The following ATAD5 variants were observed in gnomAD, a reference collection of about 807,000 sequenced individuals.
ATAD5 encodes the protein ATPase family AAA domain-containing protein 5.
In ATAD5, 58 loss-of-function variants were observed where a neutral mutation model predicts 176.9. The ratio of observed to expected loss-of-function variants is 0.33; its 90% CI spans 0.27 to 0.41. The LOEUF is 0.41. Among genes scored for constraint, ATAD5 ranks in the 10% least tolerant of loss-of-function variants. The probability of loss-of-function intolerance (pLI) is 1.00; values close to 1 mark genes in which losing one functional copy is unlikely to be tolerated. For missense variants in ATAD5, 1,789 were observed against 2,094.1 expected (o/e 0.85, Z 2.84); for synonymous variants, 640 against 712.6 (o/e 0.90, Z 1.62).
intron 14 of ATAD5, 134 bp downstream of exon 14, chr17:30,869,780 A>C: frequency 1.1e-6 from 1 of 929,650 alleles, no homozygotes; most frequent in Non-Finnish European, 1.6e-6. Flanking sequence ...CCCCTGCCAG[A>C]TTATTTTAAA....
chr17:30,876,513 T>G lies in ATAD5; in HGVS notation c.3747T>G (p.Asn1249Lys). 6.3e-7 allele frequency: 1 copy of G among 1,584,480 alleles called. No individual in the cohort carries two copies. The highest frequency in any genetic ancestry group is 1.2e-5 in the South Asian group (1 of 86,954). Residue 1249 changes from asparagine (N) to lysine (K), a missense_variant, in exon 15 of 23, where the codon AAT (asparagine) becomes AAG (lysine). Coordinates refer to ENST00000321990, the MANE Select transcript of ATAD5 (RefSeq NM_024857.5). ...NYFKVSPKPK[N>K]NEEIGMLLEN... ...TTAAAGTATCTCCCAAACCTAAAAA[T>G]AATGAAGAAATAGGAATGCTTCTGG...
intron 6 of ATAD5, among the ~76,000 whole-genome samples, chr17:30,846,397 T>G (rs1027836569): frequency 5.7e-4 from 49 of 85,980 alleles, no homozygotes; most frequent in Admixed American, 2.8e-3. Context: ...GAGTTTGAGG[T>G]TTTTTTTTTT....
chr17:30,862,395 T>C (rs977617968), intron 10 of ATAD5, among the ~76,000 whole-genome samples: 1 of 152,106 alleles, frequency 6.6e-6, no homozygotes, highest in African/African-American at 2.4e-5. Flanking sequence ...ATACATACTA[T>C]TTTACACCAT....
chr17:30,894,618 TCTC>T lies in ATAD5; in HGVS notation c.5353_5355del (p.Leu1785del). On this transcript the variant is annotated inframe_deletion, in exon 22 of 23. Transcript: ENST00000321990. ...AAAGTGTATTTTCGAGTCGATCTCT[TCTC>T]TATGTGGGTAATAGACAAGCTAGTA... is the stretch of plus-strand genomic sequence containing the variant. 2 of 1,613,458 alleles carry T rather than the reference TCTC, an allele frequency of 1.2e-6. No homozygotes were observed. Among genetic ancestry groups the T allele is most frequent in the Non-Finnish European group, 1.7e-6 (2 of 1,179,688 alleles).
intron 14 of ATAD5, among the ~76,000 whole-genome samples, chr17:30,871,971 G>C (rs947042104): frequency 6.6e-6 from 1 of 152,194 alleles, no homozygotes; most frequent in Non-Finnish European, 1.5e-5. Flanking sequence ...GCCAAGGCTG[G>C]AGTGGAGTGG....
chr17:30,880,069 A>T (rs187164443), intron 18 of ATAD5, among the ~76,000 whole-genome samples: 127 of 146,130 alleles, frequency 8.7e-4, no homozygotes, highest in African/African-American at 3.1e-3. Flanking sequence ...TGGGAGGCTG[A>T]GGAGGGCAGA....
Position 30,858,303 on chromosome 17 carries a change from C to A in ATAD5, c.2936C>A (p.Ser979Tyr). 6.4e-7 allele frequency: 1 copy of A among 1,553,566 alleles called. No homozygotes were observed. The change falls in exon 9 of 23, where the codon TCC becomes TAC. Residue 979 changes from serine (S) to tyrosine (Y), a missense_variant. Transcript: ENST00000321990. ...CAAATTGAGCACCAAGTACTTTCTT[C>A]CGAGTGTCATAGTAAACAAGGTTAG... ...KKQIEHQVLS[S>Y]ECHSKQELEA...
chr17:30,878,200 TA>T (rs1908783330), intron 17 of ATAD5, 104 bp downstream of exon 17: 1 of 753,442 alleles, frequency 1.3e-6, no homozygotes. Flanking sequence ...ATTACTTTTT[TA>T]AAATTGATAC....
chr17:30,887,596 GCCAGGAGTTCAAAA>G (rs1909389450), intron 19 of ATAD5, among the ~76,000 whole-genome samples: 3 of 151,988 alleles, frequency 2.0e-5, no homozygotes, highest in African/African-American at 7.3e-5. Context: ...ATCACTTGAA[GCCAGGAGTTCAAAA>G]CCAGCCTGCG....
chr17:30,851,818 G>C (rs1157416796), intron 6 of ATAD5, among the ~76,000 whole-genome samples: 1 of 152,220 alleles, frequency 6.6e-6, no homozygotes, highest in Non-Finnish European at 1.5e-5. Context: ...CTGGTCTCAA[G>C]TTATCTGCTC....
chr17:30,880,250 C>T (rs1240031828), intron 18 of ATAD5, among the ~76,000 whole-genome samples: 1 of 151,982 alleles, frequency 6.6e-6, no homozygotes, highest in African/African-American at 2.4e-5. Context: ...GCCATGGCTG[C>T]AGTGAGCTGT....
At chr17:30,887,808 C>T (rs1248984087) in intron 19 of ATAD5, among the ~76,000 whole-genome samples, 1 of 151,888 alleles carries the variant, frequency 6.6e-6, no homozygotes, top group African/African-American at 2.4e-5. Context: ...AGAGCAATAC[C>T]CTATCTCTAA....
intron 11 of ATAD5, among the ~76,000 whole-genome samples, chr17:30,867,555 C>T (rs1167335623): frequency 7.2e-5 from 11 of 152,146 alleles, no homozygotes; most frequent in Admixed American, 7.2e-4. Flanking sequence ...AGAACTTAAT[C>T]TTTCTGTTGT....
chr17:30,850,831 TTTTA>T (rs201445980), intron 6 of ATAD5, among the ~76,000 whole-genome samples: 1,267 of 62,476 alleles, frequency 0.02, 67 homozygotes, highest in African/African-American at 0.034. Flanking sequence ...ATTTATATAT[TTTTA>T]TATATATATA....
intron 17 of ATAD5, among the ~76,000 whole-genome samples, chr17:30,878,756 G>C (rs1908838063): frequency 1.2e-5 from 1 of 86,418 alleles, no homozygotes; most frequent in Non-Finnish European, 2.0e-5. Flanking sequence ...TTTGGAGACA[G>C]AGTCTCACTC....
chr17:30,858,187 T>C lies in ATAD5; in HGVS notation c.2820T>C (p.Thr940=). The C allele has an allele frequency of 6.3e-7, 1 of 1,578,242 alleles. No individual in the cohort carries two copies. The highest frequency in any genetic ancestry group is 2.3e-5 in the East Asian group (1 of 43,416). The change falls in exon 9 of 23, where the codon ACT becomes ACC. Residue 940 remains threonine (T), a synonymous_variant. Coordinates refer to ENST00000321990, the MANE Select transcript of ATAD5 (RefSeq NM_024857.5). The stretch of plus-strand genomic sequence containing the variant: ...TCATGAGGACAAGGAAGGAATTTAC[T>C]GAAGAAGTAAGAAATCTTTTGCTTG... The part of the protein sequence containing the change: ...AVFMRTRKEF[T]EEVRNLLLEE...
intron 20 of ATAD5, 27 bp downstream of exon 20, chr17:30,892,815 T>C (rs1204170121): frequency 1.3e-6 from 2 of 1,484,326 alleles, no homozygotes; most frequent in African/African-American, 2.8e-5. Context: ...TTTTGCAATG[T>C]TGAATTTATA....
At position 30,850,833 on chromosome 17, in the gene ATAD5, T is replaced by TATATATATATATATATATA. The variant is rs1906849991; in HGVS notation, c.2451-4310_2451-4309insATATATATATATATATATA. ...AATTATTATTTATATTTATATATTT[T>TATATATATATATATATATA]TATATATATATATATATATATATAT... On this transcript the variant is annotated intron_variant, in intron 6 of 22. Transcript: ENST00000321990. Among the ~76,000 whole-genome samples, 2 of 27,832 alleles carry TATATATATATATATATATA rather than the reference T, an allele frequency of 7.2e-5. 1 individual carries two copies. The highest frequency in any genetic ancestry group is 1.2e-4 in the Non-Finnish European group (2 of 16,962). The allele number at this position is 27,832 out of a possible 152,430, so 18.3% of individuals were successfully genotyped here.
intron 15 of ATAD5, among the ~76,000 whole-genome samples, chr17:30,877,142 C>T (rs551790011): frequency 3.9e-5 from 6 of 152,238 alleles, no homozygotes; most frequent in African/African-American, 1.4e-4. Flanking sequence ...CTCAGCCTCC[C>T]GTGTAGCTGA....
Sources: allele counts gnomAD v4.1 joint callset (sites outside exome capture counted in the v4.1 genomes callset), GRCh38; gene constraint gnomAD v4.1.1; transcripts MANE v1.5; gene names NCBI Gene and HGNC (gene_info 2026-07-23, HGNC 2026-07-21).